The following PARD3B variants were observed in gnomAD, a reference collection of about 807,000 sequenced individuals.
PARD3B encodes par-3 family cell polarity regulator beta.
Under a neutral mutation model 130.2 loss-of-function variants are expected in PARD3B, and 103 were observed. That is an observed-to-expected ratio of 0.79 (90% CI 0.67 to 0.93). The LOEUF is 0.93. PARD3B is among the 40% of genes least tolerant of loss of function. PARD3B has a pLI of 0.00. For synonymous variants in PARD3B, 583 were observed against 553.2 expected (o/e 1.05, Z -0.76); for missense variants, 1,609 against 1,499.2 (o/e 1.07, Z -1.21).
intron 15 of PARD3B, among the ~76,000 whole-genome samples, chr2:205,236,322 A>G (rs2039060468): frequency 6.6e-6 from 1 of 152,188 alleles, no homozygotes; most frequent in Non-Finnish European, 1.5e-5. Context: ...AGGAGTGAAT[A>G]TTTCCCCAAC....
At chr2:205,414,585 AAC>A (rs1254628506) in intron 19 of PARD3B, among the ~76,000 whole-genome samples, 1 of 152,128 alleles carries the variant, frequency 6.6e-6, no homozygotes, top group Non-Finnish European at 1.5e-5. Context: ...TAAAGTAAAG[AAC>A]AAATGAGTAG....
chr2:205,125,556 A>T lies in PARD3B; in HGVS notation c.1306-53A>T, dbSNP rs1559464250. On this transcript the variant is annotated intron_variant, in intron 9 of 22. Transcript: ENST00000406610. This position sits in a 1 kb window ranked among gnomAD's most constrained non-coding sequence, Gnocchi z 4.0. Reference sequence around the variant, plus strand: ...TGTTTTCAAAAACTATCTAGTGTAGAAGGAGATAACAAGTATTGTGATTGT... The same window carrying T: ...TGTTTTCAAAAACTATCTAGTGTAGTAGGAGATAACAAGTATTGTGATTGT... The T allele has an allele frequency of 6.3e-7, 1 of 1,587,604 alleles. No homozygotes were observed. Among genetic ancestry groups the T allele is most frequent in the East Asian group, 2.2e-5 (1 of 44,468 alleles).
chr2:205,310,795 C>T (rs59554665), intron 18 of PARD3B, among the ~76,000 whole-genome samples: 7,513 of 135,616 alleles, frequency 0.055, 615 homozygotes, highest in African/African-American at 0.19. Context: ...GTGATCACAG[C>T]TCACTGCAAT....
At chr2:204,873,193 C>A (rs1489446221) in intron 2 of PARD3B, among the ~76,000 whole-genome samples, 2 of 152,204 alleles carry the variant, frequency 1.3e-5, no homozygotes, top group East Asian at 3.9e-4. Flanking sequence ...ATATCCTTTA[C>A]AGGTAGAATC....
At chr2:204,957,625 T>C (rs1690376464) in intron 2 of PARD3B, among the ~76,000 whole-genome samples, 2 of 152,298 alleles carry the variant, frequency 1.3e-5, no homozygotes, top group African/African-American at 4.8e-5. Context: ...CCGGATTAAA[T>C]GCTTTTAGCT....
At chr2:205,359,877 A>G (rs1026312302) in intron 18 of PARD3B, among the ~76,000 whole-genome samples, 1 of 152,192 alleles carries the variant, frequency 6.6e-6, no homozygotes, top group African/African-American at 2.4e-5. Flanking sequence ...GCTTGGAATC[A>G]TGGGAGCCAT....
intron 2 of PARD3B, among the ~76,000 whole-genome samples, chr2:204,953,338 A>G (rs751181449): frequency 6.6e-6 from 1 of 151,886 alleles, no homozygotes; most frequent in Admixed American, 6.6e-5. Flanking sequence ...GCTCATAAGA[A>G]AAATAGTAAT....
rs571255876 is a variant in PARD3B, at chr2:204,804,548, A to C, written c.222+118266A>C. ...GAGACCCCAATATGTTAATAGCTGG[A>C]GACTTCACTCTGCTTCTAGCATTGG... On this transcript the variant is annotated intron_variant, in intron 2 of 22. Transcript: ENST00000406610. Among the ~76,000 whole-genome samples, 16 of 152,318 alleles carry C rather than the reference A, an allele frequency of 1.1e-4. No individual in the cohort carries two copies. In the South Asian group the frequency reaches 3.3e-3, roughly 32 times the overall value.
intron 2 of PARD3B, among the ~76,000 whole-genome samples, chr2:204,751,843 C>T (rs1252313077): frequency 6.6e-6 from 1 of 152,130 alleles, no homozygotes; most frequent in Admixed American, 6.6e-5. Context: ...ATCACATTAT[C>T]CCTGAAGAAA....
chr2:205,404,964 A>G (rs991319237), intron 19 of PARD3B, among the ~76,000 whole-genome samples: 13 of 152,166 alleles, frequency 8.5e-5, no homozygotes, highest in Non-Finnish European at 1.6e-4. Flanking sequence ...CTCAATTCTA[A>G]ATTTTAGGAT....
At chr2:205,209,421 G>A (rs1326946927) in intron 15 of PARD3B, among the ~76,000 whole-genome samples, 2 of 152,006 alleles carry the variant, frequency 1.3e-5, no homozygotes, top group African/African-American at 4.8e-5. Flanking sequence ...TTTCATATAA[G>A]AACATCTTCC....
chr2:204,982,495 C>A (rs1692762664), intron 3 of PARD3B, among the ~76,000 whole-genome samples: 3 of 152,192 alleles, frequency 2.0e-5, no homozygotes, highest in Admixed American at 2.0e-4. Context: ...CTGCAGCCAC[C>A]AGTTCACACT....
Position 205,193,143 on chromosome 2 carries a change from T to C in PARD3B, c.2025-62T>C, listed in dbSNP as rs909431507. The C allele has an allele frequency of 2.5e-6, 3 of 1,192,902 alleles. No individual in the cohort carries two copies. In the African/African-American group the frequency reaches 4.5e-5, roughly 18 times the overall value. The allele number at this position is 1,192,902 out of a possible 1,614,324, so 73.9% of individuals were successfully genotyped here. The stretch of plus-strand genomic sequence containing the variant: ...TGGCTGTGTTCAAAATGAGAACTGC[T>C]TCCTCATTTTTTAAAAGATTTTATT... On this transcript the variant is annotated intron_variant, in intron 14 of 22. Transcript: ENST00000406610.
intron 22 of PARD3B, among the ~76,000 whole-genome samples, chr2:205,566,982 C>G (rs573124448): frequency 6.6e-6 from 1 of 152,140 alleles, no homozygotes; most frequent in Admixed American, 6.5e-5. Context: ...TGTGACTAAG[C>G]GTAGCTCTGA....
chr2:205,066,567 TACTTA>T (rs1306716182), intron 4 of PARD3B, among the ~76,000 whole-genome samples: 2 of 152,166 alleles, frequency 1.3e-5, no homozygotes, highest in Non-Finnish European at 2.9e-5. Flanking sequence ...TTGGAGAAGT[TACTTA>T]ACTTACCAGG....
chr2:204,896,445 G>A (rs1011042637), intron 2 of PARD3B, among the ~76,000 whole-genome samples: 1 of 152,096 alleles, frequency 6.6e-6, no homozygotes, highest in African/African-American at 2.4e-5. Flanking sequence ...ACCTCTGCCC[G>A]TGGTGGCACC....
chr2:204,985,595 C>T (rs1306244424), intron 3 of PARD3B, among the ~76,000 whole-genome samples: 3 of 152,094 alleles, frequency 2.0e-5, no homozygotes, highest in African/African-American at 4.8e-5. Flanking sequence ...TTACTGAAAC[C>T]GAACTGAGCA....
intron 2 of PARD3B, among the ~76,000 whole-genome samples, chr2:204,875,406 G>A (rs908324028): frequency 6.6e-6 from 1 of 152,200 alleles, no homozygotes; most frequent in African/African-American, 2.4e-5. Context: ...GGAGCATCTT[G>A]TGAAAATCTT....
chr2:205,006,381 T>C (rs1156775851), intron 3 of PARD3B, among the ~76,000 whole-genome samples: 1 of 152,164 alleles, frequency 6.6e-6, no homozygotes, highest in Non-Finnish European at 1.5e-5. Flanking sequence ...CCTTAAGAAA[T>C]CTCCATGCTA....
Sources: gnomAD v4.1 joint callset for allele counts (sites outside exome capture counted in the v4.1 genomes callset) on GRCh38, gnomAD v4.1.1 for gene constraint, Gnocchi (gnomAD v3.1) non-coding constraint, MANE v1.5 for transcripts, NCBI Gene and HGNC (gene_info 2026-07-23, HGNC 2026-07-21) for gene names.